The following C1orf21 variants were observed in gnomAD, a reference collection of about 807,000 sequenced individuals.
C1orf21 encodes the protein uncharacterized protein C1orf21.
C1orf21 carries 3 observed loss-of-function variants against 18.7 expected under a neutral mutation model. That is an observed-to-expected ratio of 0.16 (90% CI 0.07 to 0.42). C1orf21 has a LOEUF of 0.42. Ranked by LOEUF, C1orf21 falls within the 10% of genes least tolerant of loss-of-function variation. The probability of loss-of-function intolerance (pLI) is 0.99; values close to 1 mark genes in which losing one functional copy is unlikely to be tolerated. For synonymous variants in C1orf21, 41 were observed against 46.4 expected (o/e 0.88, Z 0.47); for missense variants, 104 against 143.6 (o/e 0.72, Z 1.41).
chr1:184,458,006 C>T (rs944266431), intron 1 of C1orf21, among the ~76,000 whole-genome samples: 6 of 152,074 alleles, frequency 3.9e-5, no homozygotes, highest in African/African-American at 1.4e-4. Flanking sequence ...TAGTATTATA[C>T]CCATTTTATA....
chr1:184,487,469 C>A (rs1657749431), intron 2 of C1orf21, among the ~76,000 whole-genome samples: 1 of 152,234 alleles, frequency 6.6e-6, no homozygotes, highest in South Asian at 2.1e-4. Flanking sequence ...TACCCCAGTT[C>A]ACTTAAGAAG....
chr1:184,575,654 A>T (rs1255232501), intron 3 of C1orf21, among the ~76,000 whole-genome samples: 2 of 151,532 alleles, frequency 1.3e-5, no homozygotes, highest in African/African-American at 2.4e-5. Flanking sequence ...AAAAATCATA[A>T]TACATGCAAC....
chr1:184,613,664 C>T, intron 5 of C1orf21, among the ~76,000 whole-genome samples: 1 of 152,170 alleles, frequency 6.6e-6, no homozygotes, highest in East Asian at 1.9e-4. Flanking sequence ...CCCCCACACC[C>T]CAGCACTGCT....
chr1:184,586,374 C>T (rs1338172702), intron 3 of C1orf21, among the ~76,000 whole-genome samples: 3 of 151,774 alleles, frequency 2.0e-5, no homozygotes, highest in African/African-American at 7.3e-5. Context: ...GCTCCGCCCC[C>T]TGGGGTTCAC....
chr1:184,419,633 C>T (rs938128953), intron 1 of C1orf21, among the ~76,000 whole-genome samples: 1 of 150,522 alleles, frequency 6.6e-6, no homozygotes, highest in Non-Finnish European at 1.5e-5. Flanking sequence ...GTGTTTAGTA[C>T]TAGGGGAAAA....
intron 3 of C1orf21, among the ~76,000 whole-genome samples, chr1:184,553,244 G>A (rs1658837451): frequency 6.6e-6 from 1 of 152,196 alleles, no homozygotes; most frequent in Admixed American, 6.5e-5. Flanking sequence ...CCAAGGGGGG[G>A]AGAAACTAAT....
At chr1:184,389,824 T>G (rs1012704073) in intron 1 of C1orf21, among the ~76,000 whole-genome samples, 4 of 152,228 alleles carry the variant, frequency 2.6e-5, no homozygotes, top group African/African-American at 9.6e-5. Flanking sequence ...AGAGGGAATG[T>G]CATGTCACCT....
chr1:184,618,634 A>AT (rs1232970021), intron 5 of C1orf21, among the ~76,000 whole-genome samples: 2 of 139,646 alleles, frequency 1.4e-5, no homozygotes, highest in African/African-American at 5.1e-5. Context: ...TTAAAAGAAC[A>AT]TTCCCCCCCC....
chr1:184,481,193 A>G (rs1657649175), intron 2 of C1orf21, among the ~76,000 whole-genome samples: 1 of 152,216 alleles, frequency 6.6e-6, no homozygotes, highest in African/African-American at 2.4e-5. Flanking sequence ...CTCTCTTAGA[A>G]AAATGGGGAT....
chr1:184,568,561 A>C (rs1474307292), intron 3 of C1orf21: 1 of 407,820 alleles, frequency 2.5e-6, no homozygotes, highest in Non-Finnish European at 5.0e-6. Context: ...AAATATTTCA[A>C]AGATATTTAG....
At chr1:184,437,964 T>G (rs568308677) in intron 1 of C1orf21, among the ~76,000 whole-genome samples, 36 of 152,240 alleles carry the variant, frequency 2.4e-4, no homozygotes, top group African/African-American at 7.7e-4. Flanking sequence ...GAGAATCTGA[T>G]GCCATCACTC....
chr1:184,470,293 G>A (rs763086080), intron 1 of C1orf21, among the ~76,000 whole-genome samples: 5 of 152,072 alleles, frequency 3.3e-5, no homozygotes, highest in Non-Finnish European at 7.4e-5. Context: ...CAGAGTACAC[G>A]CAGAATATCA....
chr1:184,588,459 C>T (rs185806985), intron 3 of C1orf21, among the ~76,000 whole-genome samples: 5 of 152,164 alleles, frequency 3.3e-5, no homozygotes, highest in Admixed American at 2.0e-4. Flanking sequence ...TTGAGAAATG[C>T]TGAGCTAGTA....
At chr1:184,481,067 G>A (rs2101992090) in intron 2 of C1orf21, among the ~76,000 whole-genome samples, 1 of 152,280 alleles carries the variant, frequency 6.6e-6, no homozygotes, top group Middle Eastern at 3.4e-3. Flanking sequence ...AGTGTAGTGA[G>A]TGTCTGGTGA....
At chr1:184,579,993 G>A (rs763354320) in intron 3 of C1orf21, among the ~76,000 whole-genome samples, 4 of 152,160 alleles carry the variant, frequency 2.6e-5, no homozygotes, top group Non-Finnish European at 5.9e-5. Context: ...TGGTGGAGAA[G>A]GACTCTCTGG....
intron 3 of C1orf21, chr1:184,545,861 T>C (rs936318982): frequency 6.6e-6 from 1 of 152,156 alleles, no homozygotes; most frequent in Non-Finnish European, 1.5e-5. Context: ...CCAAGCAGGC[T>C]CTTGAGGCAC....
chr1:184,468,866 C>T (rs777494804), intron 1 of C1orf21, among the ~76,000 whole-genome samples: 2 of 151,612 alleles, frequency 1.3e-5, no homozygotes, highest in Non-Finnish European at 2.9e-5. Flanking sequence ...TGCAGTGAGC[C>T]GAGATTGTGC....
intron 1 of C1orf21, among the ~76,000 whole-genome samples, chr1:184,400,585 A>G (rs1282302248): frequency 6.6e-6 from 1 of 152,192 alleles, no homozygotes; most frequent in African/African-American, 2.4e-5. Flanking sequence ...GCATTTTACA[A>G]CTGCAGAAAT....
At chr1:184,545,534 G>A (rs1226587727) in intron 3 of C1orf21, among the ~76,000 whole-genome samples, 1 of 151,922 alleles carries the variant, frequency 6.6e-6, no homozygotes, top group East Asian at 1.9e-4. Context: ...CTGTACCGAT[G>A]CTCGTGTTCC....
Sources: allele counts gnomAD v4.1 joint callset (sites outside exome capture counted in the v4.1 genomes callset), GRCh38; gene constraint gnomAD v4.1.1; transcripts MANE v1.5; gene names NCBI Gene and HGNC (gene_info 2026-07-23, HGNC 2026-07-21).